Variants in LZTFL1 observed in about 807,000 individuals in gnomAD.
The protein encoded by LZTFL1 is leucine zipper transcription factor-like protein 1.
LZTFL1 carries 25 observed loss-of-function variants against 45.9 expected under a neutral mutation model. The observed-to-expected ratio is 0.54, with a 90% confidence interval of 0.40 to 0.76. The LOEUF is 0.76. Ranked by LOEUF, LZTFL1 falls within the 30% of genes least tolerant of loss-of-function variation. LZTFL1 has a pLI of 0.00. For missense variants in LZTFL1, 277 were observed against 331.1 expected (o/e 0.84, Z 1.27); for synonymous variants, 93 against 117.4 (o/e 0.79, Z 1.35).
chr3:45,873,419 A>C (rs1437256083), intron 2 of LZTFL1, among the ~76,000 whole-genome samples: 1 of 152,170 alleles, frequency 6.6e-6, no homozygotes, highest in Non-Finnish European at 1.5e-5. Context: ...CATCAGCCTT[A>C]CTTGCCTTAC....
intron 2 of LZTFL1, chr3:45,903,042 C>A (rs1702606886): frequency 6.0e-6 from 1 of 167,080 alleles, no homozygotes; most frequent in Middle Eastern, 3.1e-3. Flanking sequence ...TGGCAAAATG[C>A]ATCACCTTTG....
intron 2 of LZTFL1, among the ~76,000 whole-genome samples, chr3:45,871,712 AC>A (rs1421675089): frequency 6.6e-6 from 1 of 151,996 alleles, no homozygotes; most frequent in Admixed American, 6.6e-5. Flanking sequence ...ACACCCACAC[AC>A]CTTTAGCAAA....
chr3:45,913,488 C>T (rs1315539929), intron 1 of LZTFL1, among the ~76,000 whole-genome samples: 3 of 152,158 alleles, frequency 2.0e-5, no homozygotes, highest in African/African-American at 7.2e-5. Context: ...TTTACTAATG[C>T]ATTACATAAA....
At chr3:45,853,128 T>TAAAA (rs1559409844) in intron 4 of LZTFL1, among the ~76,000 whole-genome samples, 1 of 152,254 alleles carries the variant, frequency 6.6e-6, no homozygotes, top group African/African-American at 2.4e-5. Flanking sequence ...TGTGGTCGAT[T>TAAAA]AATTGTTTCA....
intron 2 of LZTFL1, among the ~76,000 whole-genome samples, chr3:45,869,314 G>A (rs1175327682): frequency 1.3e-5 from 2 of 152,340 alleles, no homozygotes; most frequent in East Asian, 3.9e-4. Flanking sequence ...TGCTAGACTA[G>A]GCAGAATGTA....
chr3:45,837,864 C>T (rs1701005230), intron 2 of LZTFL1, 63 bp downstream of exon 2: 1 of 1,517,082 alleles, frequency 6.6e-7, no homozygotes, highest in African/African-American at 1.4e-5. Context: ...ATGGCACCCC[C>T]ATACTGGCTA....
intron 2 of LZTFL1, among the ~76,000 whole-genome samples, chr3:45,868,497 G>A (rs1325003846): frequency 1.3e-5 from 2 of 152,136 alleles, no homozygotes; most frequent in Non-Finnish European, 2.9e-5. Flanking sequence ...TAAAGCTTTT[G>A]TTCACTTAGG....
intron 2 of LZTFL1, among the ~76,000 whole-genome samples, chr3:45,903,517 C>A (rs1702617743): frequency 6.6e-6 from 1 of 152,250 alleles, no homozygotes; most frequent in Non-Finnish European, 1.5e-5. Flanking sequence ...TCTAATTTCC[C>A]CAGTGCCTTG....
chr3:45,827,978 C>T (rs1286067713), intron 8 of LZTFL1, among the ~76,000 whole-genome samples: 2 of 152,128 alleles, frequency 1.3e-5, no homozygotes, highest in Non-Finnish European at 2.9e-5. Context: ...GCTGGGATTA[C>T]AGGCACAAGC....
At position 45,830,940 on chromosome 3, in the gene LZTFL1, A is replaced by C; in HGVS notation, c.573T>G (p.Asp191Glu). 1 of 1,614,048 alleles carries C rather than the reference A, an allele frequency of 6.2e-7. No homozygotes were observed. Residue 191 changes from aspartate to glutamate, a missense_variant, in exon 7 of 10, where the codon GAT (aspartate) becomes GAG (glutamate). Coordinates refer to ENST00000296135, the MANE Select transcript of LZTFL1 (RefSeq NM_020347.4). ...EKSKLEKALQ[D>E]LQLDQGNQKD... The stretch of plus-strand genomic sequence containing the variant: ...TTTGATTTCCTTGATCAAGCTGTAA[A>C]TCTTGCAGTGCTTTTTCTAGTTTTG...
Position 45,824,827 on chromosome 3 carries a change from TCA to T in LZTFL1, c.*1485_*1486del, listed in dbSNP as rs1700623101. 1 of 398,166 alleles carries T rather than the reference TCA, an allele frequency of 2.5e-6. No individual in the cohort carries two copies. The highest frequency in any genetic ancestry group is 4.4e-5 in the Admixed American group (1 of 22,694). The allele number at this position is 398,166 out of a possible 1,614,324, so 24.7% of individuals were successfully genotyped here. Reference sequence around the variant, plus strand: ...GAAATACAGGGTGAGAATGAAGCCCTCAACAAAAGCTCCAAAAGGGCACAGAA... The same window carrying T: ...GAAATACAGGGTGAGAATGAAGCCCTACAAAAGCTCCAAAAGGGCACAGAA... On this transcript the variant is annotated 3_prime_UTR_variant, in exon 10 of 10. Coordinates refer to ENST00000296135, the MANE Select transcript of LZTFL1 (RefSeq NM_020347.4).
intron 2 of LZTFL1, chr3:45,912,973 A>T: frequency 1.3e-6 from 1 of 748,344 alleles, no homozygotes; most frequent in African/African-American, 1.8e-5. Flanking sequence ...CTGCCATAGC[A>T]AATCCTGGTT....
At chr3:45,891,205 G>A (rs1456480801) in intron 2 of LZTFL1, among the ~76,000 whole-genome samples, 2 of 152,228 alleles carry the variant, frequency 1.3e-5, no homozygotes, top group East Asian at 1.9e-4. Flanking sequence ...GGTCACGGCC[G>A]GAGGCTGGGG....
intron 2 of LZTFL1, among the ~76,000 whole-genome samples, chr3:45,888,651 A>G (rs1216390611): frequency 6.6e-6 from 1 of 152,182 alleles, no homozygotes; most frequent in Admixed American, 6.5e-5. Flanking sequence ...GACCGCTGAG[A>G]TGGTCCTCAC....
intron 9 of LZTFL1, 128 bp from the exon 10 acceptor site, chr3:45,826,460 A>C: frequency 1.3e-6 from 1 of 778,578 alleles, no homozygotes; most frequent in Non-Finnish European, 2.2e-6. Flanking sequence ...AGTTGGACAC[A>C]TTCAACTTTG....
chr3:45,878,297 G>T (rs1280260495), intron 2 of LZTFL1, among the ~76,000 whole-genome samples: 1 of 152,188 alleles, frequency 6.6e-6, no homozygotes, highest in Non-Finnish European at 1.5e-5. Flanking sequence ...GCAGGGGCCT[G>T]ACCTTTTGAT....
At chr3:45,893,155 CTCT>C (rs1702243839) in intron 2 of LZTFL1, among the ~76,000 whole-genome samples, 1 of 151,186 alleles carries the variant, frequency 6.6e-6, no homozygotes. Flanking sequence ...CTCTCTCTCT[CTCT>C]TTTTTTTTTT....
rs558139332 is a variant in LZTFL1 at position 45,862,122 on chromosome 3, A to C, written c.-214-3106T>G. Among the ~76,000 whole-genome samples, 50 of 152,128 alleles carry C rather than the reference A, an allele frequency of 3.3e-4. 1 individual carries two copies. Among genetic ancestry groups the C allele is most frequent in the Non-Finnish European group, 2.9e-4 (20 of 68,026 alleles). ...ATATATATGTGAGGCACCATCTTAG[A>C]CTCTGGTGTCACAATGATGAAAACA... is the stretch of plus-strand genomic sequence containing the variant. On this transcript the variant is annotated intron_variant, in intron 2 of 4. Transcript: ENST00000472635.
intron 2 of LZTFL1, among the ~76,000 whole-genome samples, chr3:45,882,132 T>G (rs1382340462): frequency 6.6e-6 from 1 of 152,226 alleles, no homozygotes; most frequent in Non-Finnish European, 1.5e-5. Flanking sequence ...ATCAGGTGAA[T>G]TTTTTGCATT....
Sources: allele counts gnomAD v4.1 joint callset (sites outside exome capture counted in the v4.1 genomes callset), GRCh38; gene constraint gnomAD v4.1.1; transcripts MANE v1.5; gene names NCBI Gene and HGNC (gene_info 2026-07-23, HGNC 2026-07-21).